The following MEOX2 variants were observed in gnomAD, a reference collection of about 807,000 sequenced individuals.
The protein encoded by MEOX2 is homeobox protein MOX-2.
A neutral mutation model predicts 27.0 loss-of-function variants in MEOX2; 11 were observed. That is an observed-to-expected ratio of 0.41 (90% confidence interval 0.26 to 0.68). The LOEUF (loss-of-function observed/expected upper bound fraction) is 0.68. Ranked by LOEUF, MEOX2 falls within the 30% of genes least tolerant of loss-of-function variation. The pLI is 0.33. For missense variants in MEOX2, 436 were observed against 385.4 expected (o/e 1.13, Z -1.10); for synonymous variants, 189 against 155.4 (o/e 1.22, Z -1.61).
chr7:15,685,664 G>T (rs535654820), intron 1 of MEOX2, among the ~76,000 whole-genome samples: 282 of 152,334 alleles, frequency 1.9e-3, no homozygotes, highest in African/African-American at 6.5e-3. Flanking sequence ...ACTTTGGAGG[G>T]CTTAGAGCTG....
rs373826169 is a variant in MEOX2, at chr7:15,686,151, C to T, written c.252G>A (p.Gln84=). Residue 84 remains glutamine, a synonymous_variant, in exon 1 of 3, where the codon CAG becomes CAA. Transcript: ENST00000262041. The part of the protein sequence containing the change: ...HHHHHHHQQQ[Q]HQALQTNWHL... ...GCCAGTTGGTTTGCAGAGCCTGGTGCTGCTGCTGCTGATGGTGGTGATGGT... is the reference window on the plus strand; with the variant it reads ...GCCAGTTGGTTTGCAGAGCCTGGTGTTGCTGCTGCTGATGGTGGTGATGGT... 6 of 1,567,444 alleles carry T rather than the reference C, an allele frequency of 3.8e-6. No individual in the cohort carries two copies. The African/African-American group carries it at 4.6e-5, about 12-fold the overall frequency.
At chr7:15,626,550 G>T (rs1053717705) in intron 2 of MEOX2, among the ~76,000 whole-genome samples, 196 bp downstream of exon 2, 5 of 151,764 alleles carry the variant, frequency 3.3e-5, no homozygotes, top group Non-Finnish European at 7.4e-5. Context: ...AACTCAATAA[G>T]TATGGTTTTC....
intron 1 of MEOX2, among the ~76,000 whole-genome samples, chr7:15,668,695 C>CA (rs1782049257): frequency 6.6e-6 from 1 of 151,980 alleles, no homozygotes; most frequent in Non-Finnish European, 1.5e-5. Flanking sequence ...AGGCTCGTCT[C>CA]GAACTCCTGA....
chr7:15,666,662 G>T (rs1329382176), intron 1 of MEOX2, among the ~76,000 whole-genome samples: 1 of 145,632 alleles, frequency 6.9e-6, no homozygotes, highest in Non-Finnish European at 1.5e-5. Flanking sequence ...TGAGGCAGGA[G>T]AATTGCTTGA....
In MEOX2 at chr7:15,622,953, G is replaced by A. The variant is rs773914279; in HGVS notation, c.690+3793C>T. Reference sequence around the variant, plus strand: ...ATCAAGGTAGAATGGAAAAATGGAAGTCTATGAAGAAGTGTGTGCTCACCA... The same window carrying A: ...ATCAAGGTAGAATGGAAAAATGGAAATCTATGAAGAAGTGTGTGCTCACCA... On this transcript the variant is annotated intron_variant, in intron 2 of 2. Coordinates refer to ENST00000262041, the MANE Select transcript of MEOX2 (RefSeq NM_005924.5). Among the ~76,000 whole-genome samples, 36 of 152,136 alleles carry A rather than the reference G, an allele frequency of 2.4e-4. 1 individual carries two copies. Among genetic ancestry groups the A allele is most frequent in the Admixed American group, 8.5e-4 (13 of 15,266 alleles).
At chr7:15,617,291 G>C (rs1283477603) in intron 2 of MEOX2, among the ~76,000 whole-genome samples, 1 of 152,008 alleles carries the variant, frequency 6.6e-6, no homozygotes, top group East Asian at 1.9e-4. Context: ...TGTAGACATT[G>C]TCTAACAAAT....
At chr7:15,639,113 A>T (rs370655481) in intron 1 of MEOX2, among the ~76,000 whole-genome samples, 26 of 151,946 alleles carry the variant, frequency 1.7e-4, no homozygotes, top group East Asian at 1.2e-3. Context: ...AAAAGTATTC[A>T]CTTTTCTCCA....
chr7:15,652,823 T>C (rs1261787788), intron 1 of MEOX2, among the ~76,000 whole-genome samples: 15 of 152,026 alleles, frequency 9.9e-5, no homozygotes, highest in Admixed American at 9.8e-4. Context: ...TCCTCTTTAA[T>C]TGCTGAGTGG....
At chr7:15,653,825 T>A (rs1056606121) in intron 1 of MEOX2, among the ~76,000 whole-genome samples, 2 of 151,992 alleles carry the variant, frequency 1.3e-5, no homozygotes, top group African/African-American at 4.8e-5. Context: ...AATGTAGGTA[T>A]GTAATACATC....
rs559208948 is a variant in MEOX2, at chr7:15,649,323, A to C, written c.518-22405T>G. On this transcript the variant is annotated intron_variant, in intron 1 of 2. Coordinates refer to ENST00000262041, the MANE Select transcript of MEOX2 (RefSeq NM_005924.5). The stretch of plus-strand genomic sequence containing the variant: ...TAAGGAGCTTATAAAAATAGTGTGC[A>C]GTAAGGGTGGGGGGAGACATCAGAA... Among the ~76,000 whole-genome samples, 70 of 152,222 alleles carry C rather than the reference A, an allele frequency of 4.6e-4. 2 individuals carry two copies. The highest frequency in any genetic ancestry group is 1.6e-3 in the African/African-American group (66 of 41,572).
At chr7:15,620,500 G>C (rs1781205564) in intron 2 of MEOX2, among the ~76,000 whole-genome samples, 1 of 152,208 alleles carries the variant, frequency 6.6e-6, no homozygotes, top group Admixed American at 6.5e-5. Context: ...CTGAACTCAG[G>C]AGGCGGAGCT....
intron 1 of MEOX2, among the ~76,000 whole-genome samples, chr7:15,685,013 T>C (rs912035074): frequency 6.6e-6 from 1 of 152,238 alleles, no homozygotes; most frequent in Non-Finnish European, 1.5e-5. Context: ...CCCACTGAAA[T>C]CAGCGCCTCC....
chr7:15,651,427 A>T (rs1246000469), intron 1 of MEOX2, among the ~76,000 whole-genome samples: 3 of 152,030 alleles, frequency 2.0e-5, no homozygotes, highest in Non-Finnish European at 4.4e-5. Flanking sequence ...TACTATTTCT[A>T]ATCACTCAAA....
intron 2 of MEOX2, among the ~76,000 whole-genome samples, chr7:15,626,067 C>T (rs79816831): frequency 4.5e-3 from 678 of 152,140 alleles, no homozygotes; most frequent in Non-Finnish European, 7.7e-3. Flanking sequence ...CATCTTGCAC[C>T]TAAGCCGCAC....
At chr7:15,678,234 T>C (rs955087877) in intron 1 of MEOX2, among the ~76,000 whole-genome samples, 6 of 152,196 alleles carry the variant, frequency 3.9e-5, no homozygotes, top group African/African-American at 1.4e-4. Context: ...ATTTTAATTG[T>C]TAAAGGCACT....
chr7:15,643,981 T>G (rs1781603398), intron 1 of MEOX2, among the ~76,000 whole-genome samples: 1 of 152,134 alleles, frequency 6.6e-6, no homozygotes, highest in Non-Finnish European at 1.5e-5. Context: ...GCAGGAACAG[T>G]CAGGCAGGCA....
chr7:15,657,901 T>G (rs1781849279), intron 1 of MEOX2, among the ~76,000 whole-genome samples: 1 of 152,188 alleles, frequency 6.6e-6, no homozygotes, highest in Non-Finnish European at 1.5e-5. Context: ...GCAAGGCAGG[T>G]GGAGCAGGCT....
rs1781030882 is a variant in MEOX2, at chr7:15,611,544, T to C, written c.*843A>G. 6.6e-6 allele frequency: 1 copy of C among 152,658 alleles called. No individual in the cohort carries two copies. Among genetic ancestry groups the C allele is most frequent in the Non-Finnish European group, 1.5e-5 (1 of 68,036 alleles). The allele number at this position is 152,658 out of a possible 1,614,324, so 9.5% of individuals were successfully genotyped here. On this transcript the variant is annotated 3_prime_UTR_variant, in exon 3 of 3. Coordinates refer to ENST00000262041, the MANE Select transcript of MEOX2 (RefSeq NM_005924.5). ...CTATGATCCTAATTGTTTTAAGCTA[T>C]AAGATAGGAAGAATTCAGGAGCTAG...
intron 1 of MEOX2, among the ~76,000 whole-genome samples, chr7:15,663,552 G>C (rs998459617): frequency 3.9e-5 from 6 of 151,910 alleles, no homozygotes; most frequent in African/African-American, 1.5e-4. Flanking sequence ...TGTTGGTCAG[G>C]CTGGTCTCGA....
Sources: gnomAD v4.1 joint callset for allele counts (sites outside exome capture counted in the v4.1 genomes callset) on GRCh38, gnomAD v4.1.1 for gene constraint, MANE v1.5 for transcripts, NCBI Gene and HGNC (gene_info 2026-07-23, HGNC 2026-07-21) for gene names.